The following MYH9 variants were observed in gnomAD, a reference collection of about 807,000 sequenced individuals.
MYH9 encodes myosin heavy chain 9, also known as myosin-9.
MYH9 carries 29 observed loss-of-function variants against 241.9 expected under a neutral mutation model. The ratio of observed to expected loss-of-function variants is 0.12; its 90% confidence interval spans 0.09 to 0.16. The LOEUF is 0.16. Among genes scored for constraint, MYH9 ranks in the 10% least tolerant of loss-of-function variants. The probability of loss-of-function intolerance (pLI) is 1.00; values close to 1 mark genes in which losing one functional copy is unlikely to be tolerated. For missense variants in MYH9, 1,803 were observed against 2,595.5 expected, an observed-to-expected ratio of 0.69 and a Z score of 6.63; for synonymous variants, 1,047 against 1,062.6, an observed-to-expected ratio of 0.99 and a Z score of 0.29.
At chr22:36,368,830 C>G (rs181572308) in intron 1 of MYH9, among the ~76,000 whole-genome samples, 2 of 146,836 alleles carry the variant, frequency 1.4e-5, no homozygotes, top group African/African-American at 5.0e-5. Flanking sequence ...CTGCAAAGCC[C>G]GGAAGAGCCT....
chr22:36,321,196 T>C (rs2017245426), intron 7 of MYH9, among the ~76,000 whole-genome samples: 1 of 152,144 alleles, frequency 6.6e-6, no homozygotes, highest in South Asian at 2.1e-4. Context: ...CCACCCACCT[T>C]AGCTTCCCAA....
chr22:36,319,757 C>T (rs2017220201), intron 9 of MYH9, 122 bp from the exon 10 acceptor site: 1 of 987,004 alleles, frequency 1.0e-6, no homozygotes, highest in South Asian at 1.4e-5. Context: ...CCCCCAACTC[C>T]CTGGGGCCAC....
chr22:36,355,485 ACTCT>A (rs2017840319), intron 1 of MYH9, among the ~76,000 whole-genome samples: 1 of 152,094 alleles, frequency 6.6e-6, no homozygotes, highest in Non-Finnish European at 1.5e-5. Flanking sequence ...AATGTATTCT[ACTCT>A]CAGATCTTTG....
rs781530935 is a variant in MYH9, at chr22:36,293,894, T to C, written c.3838-31A>G. 9 of 1,592,432 alleles carry C rather than the reference T, an allele frequency of 5.7e-6. No homozygotes were observed. Among genetic ancestry groups the C allele is most frequent in the Non-Finnish European group, 5.1e-6 (6 of 1,165,158 alleles). On this transcript the variant is annotated intron_variant, in intron 28 of 40. Coordinates refer to ENST00000216181, the MANE Select transcript of MYH9 (RefSeq NM_002473.6). The surrounding 1 kb of genome is among the most constrained non-coding windows in gnomAD (Gnocchi z 5.1). Reference sequence around the variant, plus strand: ...CCGGGCGGGGAGACACAAAGGACCATGGACCCACCCCCACTGCTCCTGCCC... The same window carrying C: ...CCGGGCGGGGAGACACAAAGGACCACGGACCCACCCCCACTGCTCCTGCCC...
chr22:36,295,835 T>C lies in MYH9; in HGVS notation c.3273-118A>G. ...AAGCTGCCTCCTGTGGTCACAATCA[T>C]GGCACTTAGGATGGCTCTCAGCAGA... On this transcript the variant is annotated intron_variant, in intron 25 of 40. Coordinates refer to ENST00000216181, the MANE Select transcript of MYH9 (RefSeq NM_002473.6). The surrounding 1 kb of genome is among the most constrained non-coding windows in gnomAD (Gnocchi z 4.1). 1.1e-6 allele frequency: 1 copy of C among 916,228 alleles called. No homozygotes were observed. The highest frequency in any genetic ancestry group is 1.7e-6 in the Non-Finnish European group (1 of 581,126). The allele number at this position is 916,228 out of a possible 1,614,324, so 56.8% of individuals were successfully genotyped here.
Position 36,306,603 on chromosome 22 carries a change from G to A in MYH9, c.1848C>T (p.Asp616=). ...CCACCTGGTCCAGGCCGATGATGCG[G>A]TCCACTGTGGAGACCACAGAGAACA... The part of the protein sequence containing the change: ...KFVSELWKDV[D]RIIGLDQVAG... Residue 616 remains aspartate, a synonymous_variant, in exon 16 of 41, where the codon GAC becomes GAT. Coordinates refer to ENST00000216181, the MANE Select transcript of MYH9 (RefSeq NM_002473.6). The surrounding 1 kb of genome is among the most constrained non-coding windows in gnomAD (Gnocchi z 4.1). 6.2e-7 allele frequency: 1 copy of A among 1,612,500 alleles called. No homozygotes were observed.
At position 36,285,784 on chromosome 22, in the gene MYH9, G is replaced by A; in HGVS notation, c.5151-3C>T. 6.2e-7 allele frequency: 1 copy of A among 1,608,754 alleles called. No individual in the cohort carries two copies. On this transcript the variant is annotated splice_region_variant and splice_polypyrimidine_tract_variant and intron_variant, in intron 36 of 40. Coordinates refer to ENST00000216181, the MANE Select transcript of MYH9 (RefSeq NM_002473.6). This position sits in a 1 kb window ranked among gnomAD's most constrained non-coding sequence, Gnocchi z 7.0. The stretch of plus-strand genomic sequence containing the variant: ...GCTTCTCCTCTAACGCCAGGGCTCT[G>A]CGGGGTGGGCGGGAGAAGTGAGGGG...
chr22:36,368,966 G>A (rs77072154), intron 1 of MYH9, among the ~76,000 whole-genome samples: 2,942 of 152,166 alleles, frequency 0.019, 42 homozygotes, highest in Non-Finnish European at 0.03. Flanking sequence ...TAAAGCCTGT[G>A]ACCTGTATTA....
rs575957867 is a variant in MYH9, at chr22:36,306,992, G to A, written c.1844-385C>T. Among the ~76,000 whole-genome samples, 21 of 152,168 alleles carry A rather than the reference G, an allele frequency of 1.4e-4. No homozygotes were observed. The highest frequency in any genetic ancestry group is 4.8e-4 in the African/African-American group (20 of 41,508). On this transcript the variant is annotated intron_variant, in intron 15 of 40. Coordinates refer to ENST00000216181, the MANE Select transcript of MYH9 (RefSeq NM_002473.6). The surrounding 1 kb of genome is among the most constrained non-coding windows in gnomAD (Gnocchi z 4.1). Reference sequence around the variant, plus strand: ...CGAGGGGTGTGAAAACCTGGCTTACGGAATCCTGCTGTCCTATGGTCACAG... The same window carrying A: ...CGAGGGGTGTGAAAACCTGGCTTACAGAATCCTGCTGTCCTATGGTCACAG...
At chr22:36,358,409 G>A (rs1318072238) in intron 1 of MYH9, among the ~76,000 whole-genome samples, 1 of 152,094 alleles carries the variant, frequency 6.6e-6, no homozygotes, top group African/African-American at 2.4e-5. Context: ...ATCTGGATTA[G>A]ACCCAGGAAA....
At chr22:36,344,707 C>G (rs948169727) in intron 2 of MYH9, among the ~76,000 whole-genome samples, 3 of 152,156 alleles carry the variant, frequency 2.0e-5, no homozygotes, top group African/African-American at 7.2e-5. Flanking sequence ...CTACCCACCA[C>G]GCCCACCCAC....
rs2016750647 is a variant in MYH9 at position 36,294,088 on chromosome 22, T to C, written c.3837+4A>G. 1 of 1,607,766 alleles carries C rather than the reference T, an allele frequency of 6.2e-7. No individual in the cohort carries two copies. The highest frequency in any genetic ancestry group is 1.3e-5 in the African/African-American group (1 of 74,924). ...CCGCGCCAGGGTCCTGGCGGAGGCCTCACCTGCAGCTTGGTGACCTTGTCG... is the reference window on the plus strand; with the variant it reads ...CCGCGCCAGGGTCCTGGCGGAGGCCCCACCTGCAGCTTGGTGACCTTGTCG... On this transcript the variant is annotated splice_donor_region_variant and intron_variant, in intron 28 of 40. Coordinates refer to ENST00000216181, the MANE Select transcript of MYH9 (RefSeq NM_002473.6).
At position 36,293,562 on chromosome 22, in the gene MYH9, G is replaced by C; in HGVS notation, c.3943-81C>G. The C allele has an allele frequency of 6.3e-7, 1 of 1,581,110 alleles. No homozygotes were observed. Among genetic ancestry groups the C allele is most frequent in the Non-Finnish European group, 8.6e-7 (1 of 1,159,944 alleles). Reference sequence around the variant, plus strand: ...GGAACCCCACACCCTTGAGGAGAGGGAGGAGCTGGTCCTGCTGATTTAGGG... The same window carrying C: ...GGAACCCCACACCCTTGAGGAGAGGCAGGAGCTGGTCCTGCTGATTTAGGG... On this transcript the variant is annotated intron_variant, in intron 29 of 40. Transcript: ENST00000216181. This position sits in a 1 kb window ranked among gnomAD's most constrained non-coding sequence, Gnocchi z 5.1.
chr22:36,342,638 A>C (rs1023465743), intron 2 of MYH9, among the ~76,000 whole-genome samples: 3 of 152,180 alleles, frequency 2.0e-5, no homozygotes, highest in Non-Finnish European at 2.9e-5. Flanking sequence ...CACCAAAAAA[A>C]AAAAAAAGAT....
Position 36,288,301 on chromosome 22 carries a change from G to A in MYH9, c.4883C>T (p.Ser1628Leu), listed in dbSNP as rs750410479. The A allele has an allele frequency of 2.9e-5, 47 of 1,613,946 alleles. No homozygotes were observed. Among genetic ancestry groups the A allele is most frequent in the South Asian group, 2.3e-4 (21 of 91,080 alleles). ...GGCTTCGTCCCGGTTCTTGTTGGCC[G>A]AGTCGATGTGCGCCTCCAGGTCCTT... is the stretch of plus-strand genomic sequence containing the variant. ...DLKDLEAHID[S>L]ANKNRDEAIK... Residue 1628 changes from serine (S) to leucine (L), a missense_variant, in exon 34 of 41, where the codon TCG (serine) becomes TTG (leucine). Ser to Leu is a moderately radical substitution (Grantham distance 145). Transcript: ENST00000216181. The surrounding 1 kb of genome is among the most constrained non-coding windows in gnomAD (Gnocchi z 4.8).
In MYH9 at chr22:36,329,205, C is replaced by T. The variant is rs1043291145; in HGVS notation, c.491-1717G>A. Reference sequence around the variant, plus strand: ...TCACAAACACACCCCACACCCTGCTCTCTGATGTGGAAACTACTCAGGAGG... The same window carrying T: ...TCACAAACACACCCCACACCCTGCTTTCTGATGTGGAAACTACTCAGGAGG... On this transcript the variant is annotated intron_variant, in intron 3 of 40. Transcript: ENST00000216181. The surrounding 1 kb of genome is among the most constrained non-coding windows in gnomAD (Gnocchi z 4.1). Among the ~76,000 whole-genome samples, 2 of 152,186 alleles carry T rather than the reference C, an allele frequency of 1.3e-5. No individual in the cohort carries two copies. Among genetic ancestry groups the T allele is most frequent in the Non-Finnish European group, 2.9e-5 (2 of 68,036 alleles).
chr22:36,282,231 G>C lies in MYH9; in HGVS notation c.*437C>G. Reference sequence around the variant, plus strand: ...ACAGCAAAGAAAGGAGGAGGAGTGGGGGCGCTGGTGGCAGACGTCAGGGAG... The same window carrying C: ...ACAGCAAAGAAAGGAGGAGGAGTGGCGGCGCTGGTGGCAGACGTCAGGGAG... On this transcript the variant is annotated 3_prime_UTR_variant, in exon 41 of 41. Coordinates refer to ENST00000216181, the MANE Select transcript of MYH9 (RefSeq NM_002473.6). 1 of 364,168 alleles carries C rather than the reference G, an allele frequency of 2.7e-6. No individual in the cohort carries two copies. The highest frequency in any genetic ancestry group is 5.1e-6 in the Non-Finnish European group (1 of 194,640). 22.6% of individuals were successfully genotyped at this position (364,168 alleles called of 1,614,324 possible).
intron 2 of MYH9, among the ~76,000 whole-genome samples, chr22:36,344,218 C>T (rs2017636708): frequency 2.0e-5 from 3 of 152,244 alleles, no homozygotes; most frequent in Admixed American, 2.0e-4. Flanking sequence ...AGCGGCTTCG[C>T]GCCCACGCGG....
In MYH9 at chr22:36,300,815, C is replaced by T. The variant is rs566892338; in HGVS notation, c.2838+36G>A. Reference sequence around the variant, plus strand: ...GCTCCTCCGCCCCGCCCTGCCCCTCCGGCGCCACCCCTCCCCGGGTGCAGC... The same window carrying T: ...GCTCCTCCGCCCCGCCCTGCCCCTCTGGCGCCACCCCTCCCCGGGTGCAGC... On this transcript the variant is annotated intron_variant, in intron 22 of 40. Coordinates refer to ENST00000216181, the MANE Select transcript of MYH9 (RefSeq NM_002473.6). This position sits in a 1 kb window ranked among gnomAD's most constrained non-coding sequence, Gnocchi z 5.0. The T allele has an allele frequency of 4.0e-4, 645 of 1,598,182 alleles. 6 individuals carry two copies. The South Asian group carries it at 5.4e-3, about 13-fold the overall frequency.
Sources: gnomAD v4.1 joint callset for allele counts (sites outside exome capture counted in the v4.1 genomes callset) on GRCh38, gnomAD v4.1.1 for gene constraint, Gnocchi (gnomAD v3.1) non-coding constraint, MANE v1.5 for transcripts, NCBI Gene and HGNC (gene_info 2026-07-23, HGNC 2026-07-21) for gene names.